The following DDR2 variants were observed in gnomAD, a reference collection of about 807,000 sequenced individuals.
The protein encoded by DDR2 is discoidin domain receptor tyrosine kinase 2.
A neutral mutation model predicts 94.9 loss-of-function variants in DDR2; 27 were observed. The observed-to-expected ratio is 0.28, with a 90% CI of 0.21 to 0.39. DDR2 has a LOEUF of 0.39. Ranked by LOEUF, DDR2 falls within the 10% of genes least tolerant of loss-of-function variation. The pLI is 1.00. For missense variants in DDR2, 783 were observed against 1,076.0 expected, an observed-to-expected ratio of 0.73 and a Z score of 3.81; for synonymous variants, 382 against 377.2, an observed-to-expected ratio of 1.01 and a Z score of -0.15.
chr1:162,654,700 TTAA>T (rs1420009666), intron 1 of DDR2, among the ~76,000 whole-genome samples: 1 of 152,120 alleles, frequency 6.6e-6, no homozygotes, highest in African/African-American at 2.4e-5. Flanking sequence ...CAAAATTATT[TTAA>T]TAATAATACT....
rs1414844550 is a variant in DDR2 at position 162,783,464 on chromosome 1, A to G, written c.*3218A>G. On this transcript the variant is annotated 3_prime_UTR_variant, in exon 18 of 18. Coordinates refer to ENST00000367921, the MANE Select transcript of DDR2 (RefSeq NM_006182.4). ...AGGTCAGGGCTAGAAAGGAGGCTAC[A>G]TAAAAAGGGGCAATGGAGAATGCAC... 6.6e-6 allele frequency: 1 copy of G among 152,184 alleles called. No individual in the cohort carries two copies. The highest frequency in any genetic ancestry group is 2.4e-5 in the African/African-American group (1 of 41,448). 9.4% of individuals were successfully genotyped at this position (152,184 alleles called of 1,614,324 possible).
chr1:162,721,201 G>A (rs991505738), intron 3 of DDR2, among the ~76,000 whole-genome samples: 9 of 152,280 alleles, frequency 5.9e-5, no homozygotes, highest in South Asian at 2.1e-4. Context: ...GGCATGCCAC[G>A]AGGACATTTA....
rs1358686572 is a variant in DDR2 at position 162,780,347 on chromosome 1, T to G, written c.*101T>G. 3 of 1,556,336 alleles carry G rather than the reference T, an allele frequency of 1.9e-6. No homozygotes were observed. Among genetic ancestry groups the G allele is most frequent in the Middle Eastern group, 1.8e-4 (1 of 5,564 alleles). The stretch of plus-strand genomic sequence containing the variant: ...ACTCCATCTGGACATTTAATGAAAC[T>G]GAGAGACAGAGGCTTGTTTGCTTTG... On this transcript the variant is annotated 3_prime_UTR_variant, in exon 18 of 18. Coordinates refer to ENST00000367921, the MANE Select transcript of DDR2 (RefSeq NM_006182.4).
intron 2 of DDR2, among the ~76,000 whole-genome samples, chr1:162,682,379 G>A (rs1247650624): frequency 6.6e-6 from 1 of 152,214 alleles, no homozygotes; most frequent in Non-Finnish European, 1.5e-5. Flanking sequence ...AGCTAGTCAT[G>A]ACCAGCATTC....
intron 2 of DDR2, among the ~76,000 whole-genome samples, chr1:162,707,728 C>CGATTGCCA (rs1374433421): frequency 6.6e-6 from 1 of 152,176 alleles, no homozygotes; most frequent in Non-Finnish European, 1.5e-5. Flanking sequence ...GCTAAACATA[C>CGATTGCCA]GATTGCCACC....
intron 2 of DDR2, among the ~76,000 whole-genome samples, chr1:162,677,629 A>G (rs904664440): frequency 1.6e-4 from 24 of 152,202 alleles, no homozygotes; most frequent in African/African-American, 5.3e-4. Flanking sequence ...TACATTCCCC[A>G]GGTTGAGTGA....
At chr1:162,746,619 G>C (rs1242070301) in intron 3 of DDR2, among the ~76,000 whole-genome samples, 1 of 152,180 alleles carries the variant, frequency 6.6e-6, no homozygotes, top group Non-Finnish European at 1.5e-5. Flanking sequence ...TGAAGAGAGT[G>C]GTGGTTCTCC....
At chr1:162,718,691 T>C (rs1433261277) in intron 2 of DDR2, among the ~76,000 whole-genome samples, 1 of 152,204 alleles carries the variant, frequency 6.6e-6, no homozygotes, top group Non-Finnish European at 1.5e-5. Flanking sequence ...ATATCAAGAT[T>C]ATGAAAACAT....
At chr1:162,752,120 G>A (rs1663240318) in intron 3 of DDR2, among the ~76,000 whole-genome samples, 1 of 150,860 alleles carries the variant, frequency 6.6e-6, no homozygotes, top group Non-Finnish European at 1.5e-5. Context: ...TTGTGCACAT[G>A]TACCCTACAA....
intron 1 of DDR2, among the ~76,000 whole-genome samples, chr1:162,648,793 C>T (rs890311378): frequency 7.9e-5 from 12 of 152,158 alleles, no homozygotes; most frequent in Admixed American, 6.5e-5. Context: ...GGAACAAGCA[C>T]ATCAGCTGAT....
chr1:162,755,051 G>T, intron 5 of DDR2, 105 bp from the exon 6 acceptor site: 1 of 1,534,162 alleles, frequency 6.5e-7, no homozygotes, highest in East Asian at 2.3e-5. Context: ...GATGCATTCT[G>T]CTCCTCGAAT....
At chr1:162,735,278 TGCTGGAAGA>T (rs1662240243) in intron 3 of DDR2, among the ~76,000 whole-genome samples, 1 of 152,186 alleles carries the variant, frequency 6.6e-6, no homozygotes, top group Non-Finnish European at 1.5e-5. Flanking sequence ...ACCCTCTGTA[TGCTGGAAGA>T]GCTGGACGAG....
rs1663641495 is a variant in DDR2, at chr1:162,760,040, G to A, written c.855+61G>A. 2.5e-6 allele frequency: 4 copies of A among 1,610,442 alleles called. No individual in the cohort carries two copies. In the Admixed American group the frequency reaches 5.0e-5, roughly 20 times the overall value. ...GAGGCACAAATCATAGTGTGGTAGA[G>A]AAAAGGCATGCTAGAAAAAAGTCTA... On this transcript the variant is annotated intron_variant, in intron 8 of 17. Coordinates refer to ENST00000367921, the MANE Select transcript of DDR2 (RefSeq NM_006182.4).
At chr1:162,770,569 A>T in intron 12 of DDR2, 57 bp downstream of exon 12, 2 of 1,522,568 alleles carry the variant, frequency 1.3e-6, no homozygotes, top group African/African-American at 2.7e-5. Flanking sequence ...AGCATCAGGT[A>T]GGTATGACAC....
chr1:162,748,990 G>A lies in DDR2; in HGVS notation c.83-4105G>A, dbSNP rs141363911. 9.6e-3 allele frequency among the ~76,000 whole-genome samples: 1,443 copies of A among 151,032 alleles called. 22 individuals are homozygous for A. Among genetic ancestry groups the A allele is most frequent in the African/African-American group, 0.034 (1,378 of 41,066 alleles). ...AAGACACAACATACCAGAATCTCTG[G>A]GACACATTCAAAGCAGTGCATAGAG... On this transcript the variant is annotated intron_variant, in intron 3 of 17. Coordinates refer to ENST00000367921, the MANE Select transcript of DDR2 (RefSeq NM_006182.4).
At chr1:162,720,217 G>T (rs745340912) in intron 3 of DDR2, among the ~76,000 whole-genome samples, 30 of 150,690 alleles carry the variant, frequency 2.0e-4, no homozygotes, top group Non-Finnish European at 3.4e-4. Context: ...TCAATTTTAT[G>T]AATTCATAAA....
chr1:162,660,103 C>T (rs1258478669), intron 2 of DDR2, among the ~76,000 whole-genome samples: 1 of 152,114 alleles, frequency 6.6e-6, no homozygotes. Flanking sequence ...CCTGGTTTCT[C>T]CATTTATGAT....
At chr1:162,710,742 T>G (rs60165432) in intron 2 of DDR2, among the ~76,000 whole-genome samples, 209 of 145,594 alleles carry the variant, frequency 1.4e-3, no homozygotes, top group African/African-American at 5.0e-3. Context: ...CACACACAAA[T>G]GCAAGTGCCA....
At chr1:162,668,748 C>T (rs1270962007) in intron 2 of DDR2, among the ~76,000 whole-genome samples, 1 of 152,124 alleles carries the variant, frequency 6.6e-6, no homozygotes, top group Admixed American at 6.5e-5. Context: ...TGCAAAGACC[C>T]TAGTTTCAAA....
Sources: allele counts gnomAD v4.1 joint callset (sites outside exome capture counted in the v4.1 genomes callset), GRCh38; gene constraint gnomAD v4.1.1; transcripts MANE v1.5; gene names NCBI Gene and HGNC (gene_info 2026-07-23, HGNC 2026-07-21).